The following SLC30A6 variants were observed in gnomAD, a reference collection of about 807,000 sequenced individuals.
SLC30A6 encodes solute carrier family 30 member 6, also known as zinc transporter 6.
SLC30A6 carries 55 observed loss-of-function variants against 63.0 expected under a neutral mutation model. The observed-to-expected ratio is 0.87, with a 90% CI of 0.70 to 1.09. SLC30A6 has a LOEUF of 1.09. Among genes scored for constraint, SLC30A6 ranks in the 50% least tolerant of loss-of-function variants. The pLI is 0.00. For synonymous variants in SLC30A6, 224 were observed against 186.1 expected, an observed-to-expected ratio of 1.20 and a Z score of -1.66; for missense variants, 587 against 549.2, an observed-to-expected ratio of 1.07 and a Z score of -0.69.
intron 5 of SLC30A6, among the ~76,000 whole-genome samples, chr2:32,189,865 G>T (rs912503973): frequency 4.6e-5 from 7 of 151,940 alleles, no homozygotes; most frequent in Admixed American, 2.6e-4. Flanking sequence ...ACCCCGAGTA[G>T]CTGAAATTAC....
At chr2:32,215,960 G>A (rs566932482) in intron 13 of SLC30A6, among the ~76,000 whole-genome samples, 3 of 152,288 alleles carry the variant, frequency 2.0e-5, no homozygotes, top group Non-Finnish European at 4.4e-5. Flanking sequence ...AATCCTAGGT[G>A]TTATTGGGCA....
At chr2:32,211,605 C>G (rs1186013704) in intron 13 of SLC30A6, among the ~76,000 whole-genome samples, 1 of 151,688 alleles carries the variant, frequency 6.6e-6, no homozygotes, top group Non-Finnish European at 1.5e-5. Context: ...GCAGTGCACC[C>G]TTTCTTCTTT....
Position 32,193,940 on chromosome 2 carries a change from G to A in SLC30A6, c.453G>A (p.Thr151=), listed in dbSNP as rs774435058. 8.7e-6 allele frequency: 14 copies of A among 1,613,364 alleles called. No individual in the cohort carries two copies. The highest frequency in any genetic ancestry group is 1.6e-4 in the Middle Eastern group (1 of 6,080). The stretch of plus-strand genomic sequence containing the variant: ...TGGCTCTTTGTTTCAACCTGTTCAC[G>A]ATGCTTTCTATTCGGAATAAACCTT... ...TFVALCFNLF[T]MLSIRNKPFA... Residue 151 remains threonine, a synonymous_variant, in exon 8 of 14, where the codon ACG becomes ACA. Coordinates refer to ENST00000282587, the MANE Select transcript of SLC30A6 (RefSeq NM_017964.5).
chr2:32,207,275 A>G (rs1403830141), intron 12 of SLC30A6, among the ~76,000 whole-genome samples: 4 of 151,954 alleles, frequency 2.6e-5, no homozygotes, highest in Non-Finnish European at 4.4e-5. Flanking sequence ...CAGTGGCGCA[A>G]TCTCAGCTCA....
intron 3 of SLC30A6, among the ~76,000 whole-genome samples, chr2:32,175,084 A>G (rs531088627): frequency 6.6e-6 from 1 of 152,250 alleles, no homozygotes; most frequent in South Asian, 2.1e-4. Context: ...TTGAACATTC[A>G]TTGCTTCATT....
chr2:32,197,273 A>G, intron 8 of SLC30A6, 71 bp from the exon 9 acceptor site: 1 of 1,357,440 alleles, frequency 7.4e-7, no homozygotes, highest in Non-Finnish European at 1.0e-6. Context: ...TTAAAATTAA[A>G]GAACTCAAAT....
rs539533883 is a variant in SLC30A6, at chr2:32,220,445, T to C, written c.1118T>C (p.Val373Ala). ...LLKGTDDLNP[V>A]TSTPAKPSSP... ...AAGGGTACTGATGATTTGAACCCAG[T>C]TACATCAACTCCAGCTAAACCTAGT... Residue 373 changes from valine to alanine, a missense_variant, in exon 14 of 14, where the codon GTT becomes GCT. Coordinates refer to ENST00000282587, the MANE Select transcript of SLC30A6 (RefSeq NM_017964.5). 10 of 1,614,238 alleles carry C rather than the reference T, an allele frequency of 6.2e-6. No individual in the cohort carries two copies. The East Asian group carries it at 2.2e-4, about 36-fold the overall frequency.
rs554012587 is a variant in SLC30A6, at chr2:32,222,917, A to G, written c.*2204A>G. The G allele has an allele frequency of 6.6e-6, 1 of 152,392 alleles. No homozygotes were observed. The highest frequency in any genetic ancestry group is 1.9e-4 in the East Asian group (1 of 5,196). 9.4% of individuals were successfully genotyped at this position (152,392 alleles called of 1,614,324 possible). ...CCATAGGATTTTAAAGTGTTCAGGT[A>G]CCAAACACAGTTCTGTGTGAGGTTT... On this transcript the variant is annotated 3_prime_UTR_variant, in exon 14 of 14. Coordinates refer to ENST00000282587, the MANE Select transcript of SLC30A6 (RefSeq NM_017964.5).
intron 10 of SLC30A6, chr2:32,201,644 A>C (rs1684306337): frequency 2.0e-6 from 3 of 1,514,926 alleles, no homozygotes; most frequent in East Asian, 4.9e-5. Context: ...AACTGGAAGC[A>C]CCCTTGGAGG....
chr2:32,185,324 C>T (rs941659340), intron 5 of SLC30A6, among the ~76,000 whole-genome samples: 1 of 146,144 alleles, frequency 6.8e-6, no homozygotes, highest in Non-Finnish European at 1.5e-5. Flanking sequence ...TGCATCACTG[C>T]ATTACAGATG....
Position 32,224,300 on chromosome 2 carries a change from G to A in SLC30A6, c.*3587G>A, listed in dbSNP as rs1256207062. ...TGAATGAGAATTCCTTCAAGGCGCC[G>A]ATAATCCTAGTAGGAGAGCTAAGAC... On this transcript the variant is annotated 3_prime_UTR_variant, in exon 14 of 14. Coordinates refer to ENST00000282587, the MANE Select transcript of SLC30A6 (RefSeq NM_017964.5). 5 of 535,412 alleles carry A rather than the reference G, an allele frequency of 9.3e-6. No homozygotes were observed. The highest frequency in any genetic ancestry group is 1.6e-5 in the Non-Finnish European group (5 of 308,482). 33.2% of individuals were successfully genotyped at this position (535,412 alleles called of 1,614,324 possible).
In SLC30A6 at chr2:32,186,996, C is replaced by CAA. The variant is rs760128005; in HGVS notation, c.284+2676_284+2677dup. Among the ~76,000 whole-genome samples, 326 of 51,192 alleles carry CAA rather than the reference C, an allele frequency of 6.4e-3. 3 individuals are homozygous for CAA. The highest frequency in any genetic ancestry group is 0.022 in the African/African-American group (307 of 14,126). 33.6% of individuals were successfully genotyped at this position (51,192 alleles called of 152,430 possible). ...GGGAGACAGAGCTAGACGCTGTCTC[C>CAA]AAAAAAAAAAAAAAAAAAAGAAAGA... On this transcript the variant is annotated intron_variant, in intron 5 of 13. Transcript: ENST00000282587.
chr2:32,191,562 A>G (rs1051093017), intron 5 of SLC30A6, among the ~76,000 whole-genome samples: 1 of 152,262 alleles, frequency 6.6e-6, no homozygotes, highest in Non-Finnish European at 1.5e-5. Flanking sequence ...TATAAAATAT[A>G]TTCATAATTC....
At chr2:32,194,908 A>G (rs1222263065) in intron 8 of SLC30A6, among the ~76,000 whole-genome samples, 3 of 152,168 alleles carry the variant, frequency 2.0e-5, no homozygotes, top group Non-Finnish European at 4.4e-5. Context: ...AGATGGTGCA[A>G]AGATTTAGAA....
chr2:32,218,888 G>GT (rs1295560236), intron 13 of SLC30A6, among the ~76,000 whole-genome samples: 2 of 152,022 alleles, frequency 1.3e-5, no homozygotes, highest in Non-Finnish European at 2.9e-5. Flanking sequence ...GATTGTTGAA[G>GT]TTTTTTTCCT....
chr2:32,203,541 T>C (rs1373600074), intron 10 of SLC30A6: 2 of 1,605,578 alleles, frequency 1.2e-6, no homozygotes, highest in Non-Finnish European at 1.7e-6. Flanking sequence ...CGATCTTTGA[T>C]CACCTCTGAT....
intron 13 of SLC30A6, among the ~76,000 whole-genome samples, chr2:32,211,414 T>C (rs1462715805): frequency 2.6e-5 from 4 of 152,210 alleles, no homozygotes; most frequent in Non-Finnish European, 5.9e-5. Flanking sequence ...AAACACATTA[T>C]CCCTTTTATT....
chr2:32,213,020 C>G (rs1213983867), intron 13 of SLC30A6, among the ~76,000 whole-genome samples: 3 of 151,582 alleles, frequency 2.0e-5, no homozygotes, highest in Admixed American at 6.6e-5. Context: ...ATCCTCCTAC[C>G]TCAGCCTTCC....
intron 1 of SLC30A6, among the ~76,000 whole-genome samples, chr2:32,169,684 A>G (rs543777566): frequency 7.9e-5 from 12 of 152,298 alleles, no homozygotes; most frequent in Non-Finnish European, 1.6e-4. Context: ...TCACCGCAGA[A>G]TGGGGCTGCG....
Sources: gnomAD v4.1 joint callset for allele counts (sites outside exome capture counted in the v4.1 genomes callset) on GRCh38, gnomAD v4.1.1 for gene constraint, MANE v1.5 for transcripts, NCBI Gene and HGNC (gene_info 2026-07-23, HGNC 2026-07-21) for gene names.